DLGAP2: variants seen among roughly 807,000 people sequenced by gnomAD.
DLGAP2 encodes the protein DLG associated protein 2, also known as disks large-associated protein 2.
Under a neutral mutation model 100.3 loss-of-function variants are expected in DLGAP2, and 26 were observed. The ratio of observed to expected loss-of-function variants is 0.26; its 90% confidence interval spans 0.19 to 0.36. The LOEUF is 0.36. Among genes scored for constraint, DLGAP2 ranks in the 10% least tolerant of loss-of-function variants. DLGAP2 has a pLI of 1.00. For synonymous variants in DLGAP2, 886 were observed against 630.1 expected, an observed-to-expected ratio of 1.41 and a Z score of -6.08; for missense variants, 1,858 against 1,453.2, an observed-to-expected ratio of 1.28 and a Z score of -4.53.
intron 1 of DLGAP2, among the ~76,000 whole-genome samples, chr8:770,797 T>G (rs1821336323): frequency 6.6e-6 from 1 of 152,164 alleles, no homozygotes; most frequent in Non-Finnish European, 1.5e-5. Flanking sequence ...TATACTGACC[T>G]GTATTTCTGT....
chr8:1,520,242 A>C (rs1377789615), intron 4 of DLGAP2, among the ~76,000 whole-genome samples: 1 of 152,106 alleles, frequency 6.6e-6, no homozygotes, highest in African/African-American at 2.4e-5. Flanking sequence ...CCCACCCCGG[A>C]GCTCATGGTT....
chr8:968,215 G>A (rs1460218469), intron 2 of DLGAP2, among the ~76,000 whole-genome samples: 1 of 152,150 alleles, frequency 6.6e-6, no homozygotes, highest in Non-Finnish European at 1.5e-5. Flanking sequence ...CATGTGGGCA[G>A]TAAAAGGAAG....
At chr8:781,945 G>T (rs751667971) in intron 1 of DLGAP2, among the ~76,000 whole-genome samples, 28 of 152,188 alleles carry the variant, frequency 1.8e-4, no homozygotes, top group Non-Finnish European at 3.5e-4. Flanking sequence ...GGGGGATGGA[G>T]AGAGGCTGAT....
chr8:1,416,187 G>A (rs1428648431), intron 3 of DLGAP2, among the ~76,000 whole-genome samples: 2 of 152,138 alleles, frequency 1.3e-5, no homozygotes, highest in Non-Finnish European at 2.9e-5. Flanking sequence ...GTCCCCAGAC[G>A]ATGCCTGGTT....
chr8:1,076,411 C>T (rs576429673), intron 2 of DLGAP2, among the ~76,000 whole-genome samples: 5 of 152,316 alleles, frequency 3.3e-5, no homozygotes, highest in East Asian at 1.9e-4. Context: ...AGGAGACGTA[C>T]GGTATTTTGC....
chr8:1,515,596 G>A lies in DLGAP2; in HGVS notation c.172+14165G>A, dbSNP rs376115526. On this transcript the variant is annotated intron_variant, in intron 4 of 14. Transcript: ENST00000637795. ...TACAATTGCAGACATGCAAAAATAT[G>A]CAGACACACGTGCATGCACACACAC... Among the ~76,000 whole-genome samples, 29 of 152,096 alleles carry A rather than the reference G, an allele frequency of 1.9e-4. No homozygotes were observed. In the East Asian group the frequency reaches 5.6e-3, roughly 29 times the overall value.
chr8:1,475,096 A>G (rs969511216), intron 3 of DLGAP2, among the ~76,000 whole-genome samples: 4 of 152,182 alleles, frequency 2.6e-5, no homozygotes, highest in African/African-American at 9.7e-5. Context: ...GGGTGTAGTC[A>G]GAGTCACTAT....
At position 1,132,325 on chromosome 8, in the gene DLGAP2, A is replaced by T. The variant is rs1054438392; in HGVS notation, c.74-126526A>T. On this transcript the variant is annotated intron_variant, in intron 2 of 14. Transcript: ENST00000637795. ...TAAAGCCTGAGATAAAAACTAGACT[A>T]CCTGAAGCATTGCCTGGAGATGGGT... is the stretch of plus-strand genomic sequence containing the variant. 5.9e-5 allele frequency among the ~76,000 whole-genome samples: 9 copies of T among 152,284 alleles called. No individual in the cohort carries two copies. In the East Asian group the frequency reaches 1.7e-3, roughly 29 times the overall value.
At chr8:1,102,245 T>C (rs2129043945) in intron 2 of DLGAP2, among the ~76,000 whole-genome samples, 1 of 147,802 alleles carries the variant, frequency 6.8e-6, no homozygotes, top group South Asian at 2.1e-4. Flanking sequence ...TTTTACTGAT[T>C]AATATTAATA....
At chr8:1,133,140 C>T (rs1287113185) in intron 2 of DLGAP2, among the ~76,000 whole-genome samples, 1 of 152,152 alleles carries the variant, frequency 6.6e-6, no homozygotes, top group African/African-American at 2.4e-5. Context: ...GGAGCATTAG[C>T]TTCCTTGGCT....
At chr8:1,554,013 C>A (rs1801871635) in intron 5 of DLGAP2, among the ~76,000 whole-genome samples, 1 of 152,216 alleles carries the variant, frequency 6.6e-6, no homozygotes, top group Non-Finnish European at 1.5e-5. Context: ...CAGGGCCAGG[C>A]ACGGTGGCTC....
At chr8:1,273,442 C>G (rs889849490) in intron 3 of DLGAP2, among the ~76,000 whole-genome samples, 3 of 152,184 alleles carry the variant, frequency 2.0e-5, no homozygotes, top group Non-Finnish European at 4.4e-5. Flanking sequence ...GTCAATGTGC[C>G]TTTATGCCCC....
chr8:1,409,656 G>T (rs1021069719), intron 3 of DLGAP2, among the ~76,000 whole-genome samples: 2 of 152,178 alleles, frequency 1.3e-5, no homozygotes, highest in Non-Finnish European at 2.9e-5. Flanking sequence ...TTTCTGGAAG[G>T]ACCAGCGTTT....
At chr8:1,637,593 G>T (rs1373216167) in intron 8 of DLGAP2, among the ~76,000 whole-genome samples, 2 of 152,090 alleles carry the variant, frequency 1.3e-5, no homozygotes, top group East Asian at 1.9e-4. Flanking sequence ...TTTTAGAAAT[G>T]TAAAAAATGA....
At chr8:1,001,789 C>A (rs1800964496) in intron 2 of DLGAP2, among the ~76,000 whole-genome samples, 1 of 152,126 alleles carries the variant, frequency 6.6e-6, no homozygotes, top group South Asian at 2.1e-4. Flanking sequence ...ATTTCCATTA[C>A]AATTTCAAGA....
intron 3 of DLGAP2, among the ~76,000 whole-genome samples, chr8:1,349,940 C>G (rs1489903348): frequency 6.6e-6 from 1 of 152,184 alleles, no homozygotes; most frequent in East Asian, 1.9e-4. Flanking sequence ...TAGGCAGATT[C>G]TTACAAATAT....
In DLGAP2 at chr8:1,184,505, C is replaced by T. The variant is rs146400587; in HGVS notation, c.74-74346C>T. ...GGAGCCAGTGGGTACCCGGGGTGCA[C>T]GCGCTGTTCTCAGGGCAGTTGGAGG... On this transcript the variant is annotated intron_variant, in intron 2 of 14. Transcript: ENST00000637795. 5.5e-3 allele frequency among the ~76,000 whole-genome samples: 832 copies of T among 152,258 alleles called. 8 individuals are homozygous for T. The highest frequency in any genetic ancestry group is 8.2e-3 in the Non-Finnish European group (561 of 68,022).
At chr8:744,328 G>A (rs1820561201) in intron 1 of DLGAP2, among the ~76,000 whole-genome samples, 1 of 152,170 alleles carries the variant, frequency 6.6e-6, no homozygotes, top group Non-Finnish European at 1.5e-5. Context: ...TGTCTTTGAT[G>A]TATTGGAATA....
chr8:843,527 G>A (rs1797019819), intron 1 of DLGAP2, among the ~76,000 whole-genome samples: 1 of 152,222 alleles, frequency 6.6e-6, no homozygotes, highest in African/African-American at 2.4e-5. Flanking sequence ...GGTTCCACCG[G>A]GCCTGGCCTG....
Sources: allele counts gnomAD v4.1 joint callset (sites outside exome capture counted in the v4.1 genomes callset), GRCh38; gene constraint gnomAD v4.1.1; transcripts MANE v1.5; gene names NCBI Gene and HGNC (gene_info 2026-07-23, HGNC 2026-07-21).